The following AK8 variants were observed in gnomAD, a reference collection of about 807,000 sequenced individuals.
AK8 encodes ATP-AMP transphosphorylase 8.
In AK8, 44 loss-of-function variants were observed where a neutral mutation model predicts 54.6. That is an observed-to-expected ratio of 0.81 (90% CI 0.63 to 1.04). The LOEUF is 1.04. AK8 is among the 50% of genes least tolerant of loss of function. AK8 has a pLI of 0.00. For missense variants in AK8, 555 were observed against 613.6 expected (o/e 0.90, Z 1.01); for synonymous variants, 239 against 245.6 (o/e 0.97, Z 0.25).
At chr9:132,778,056 T>C (rs1564396392) in intron 11 of AK8, among the ~76,000 whole-genome samples, 1 of 152,236 alleles carries the variant, frequency 6.6e-6, no homozygotes, top group African/African-American at 2.4e-5. Flanking sequence ...TGTCAGGTCC[T>C]GTTGCAGTCA....
At chr9:132,859,596 C>G (rs775195590) in intron 4 of AK8, among the ~76,000 whole-genome samples, 8 of 151,588 alleles carry the variant, frequency 5.3e-5, no homozygotes, top group Non-Finnish European at 1.2e-4. Flanking sequence ...GGCCTTCCCC[C>G]TCTCCCCCTT....
intron 11 of AK8, among the ~76,000 whole-genome samples, chr9:132,782,992 C>A (rs2131134971): frequency 6.6e-6 from 1 of 152,244 alleles, no homozygotes; most frequent in Middle Eastern, 3.4e-3. Flanking sequence ...AATGCCTGCC[C>A]CCAACTCCAA....
chr9:132,751,370 T>G (rs1590194765), intron 11 of AK8, among the ~76,000 whole-genome samples: 3 of 125,012 alleles, frequency 2.4e-5, no homozygotes, highest in Admixed American at 1.9e-4. Flanking sequence ...GATGACAGAG[T>G]GAGACTCCAA....
At chr9:132,737,636 A>C (rs535978966) in intron 11 of AK8, among the ~76,000 whole-genome samples, 3 of 152,336 alleles carry the variant, frequency 2.0e-5, no homozygotes, top group African/African-American at 7.2e-5. Flanking sequence ...TAATCATCTC[A>C]ACAGATGTGG....
intron 11 of AK8, among the ~76,000 whole-genome samples, chr9:132,783,036 T>C (rs1029274996): frequency 2.0e-5 from 3 of 152,258 alleles, no homozygotes; most frequent in Admixed American, 6.5e-5. Flanking sequence ...ATTCTGTGAA[T>C]AGGTTATCTT....
At chr9:132,737,631 A>T (rs1837182756) in intron 11 of AK8, among the ~76,000 whole-genome samples, 1 of 152,190 alleles carries the variant, frequency 6.6e-6, no homozygotes, top group Non-Finnish European at 1.5e-5. Context: ...GTTTATAATC[A>T]TCTCAACAGA....
At chr9:132,844,429 A>G (rs764020501) in intron 5 of AK8, among the ~76,000 whole-genome samples, 4 of 152,096 alleles carry the variant, frequency 2.6e-5, no homozygotes, top group Non-Finnish European at 5.9e-5. Flanking sequence ...GCTCTAAATT[A>G]CCAATTCTAG....
chr9:132,847,333 C>CT (rs1419822379), intron 5 of AK8, among the ~76,000 whole-genome samples: 3 of 152,224 alleles, frequency 2.0e-5, no homozygotes, highest in Non-Finnish European at 4.4e-5. Context: ...TCCACCGGGC[C>CT]TTTCGTTTGG....
chr9:132,786,482 A>G (rs114658060), intron 11 of AK8, among the ~76,000 whole-genome samples: 1,717 of 152,208 alleles, frequency 0.011, 36 homozygotes, highest in African/African-American at 0.04. Context: ...GGACCCCCAG[A>G]GAGGGGGTCC....
intron 9 of AK8, among the ~76,000 whole-genome samples, chr9:132,821,828 CAT>C (rs1491377434): frequency 2.0e-5 from 2 of 102,548 alleles, no homozygotes; most frequent in Admixed American, 1.1e-4. Context: ...CAAATATATA[CAT>C]ATATGTGTAT....
At chr9:132,877,911 C>G in intron 1 of AK8, 1 of 819,032 alleles carries the variant, frequency 1.2e-6, no homozygotes, top group Non-Finnish European at 2.0e-6. Context: ...GCTGGCGGCA[C>G]AGCCAGGACC....
intron 11 of AK8, among the ~76,000 whole-genome samples, chr9:132,745,179 T>G (rs934049307): frequency 2.0e-5 from 3 of 152,206 alleles, no homozygotes; most frequent in Non-Finnish European, 4.4e-5. Flanking sequence ...GGTGGGGCCT[T>G]ATGAATGTTT....
intron 11 of AK8, among the ~76,000 whole-genome samples, chr9:132,735,289 A>C (rs1305726502): frequency 6.6e-6 from 1 of 152,176 alleles, no homozygotes; most frequent in African/African-American, 2.4e-5. Flanking sequence ...AATGACCTTG[A>C]AGCTCATCCC....
At chr9:132,749,983 A>ACAGCACACTCTTG (rs2131009503) in intron 11 of AK8, among the ~76,000 whole-genome samples, 2 of 148,472 alleles carry the variant, frequency 1.3e-5, no homozygotes, top group Middle Eastern at 3.4e-3. Context: ...GCACACTCCT[A>ACAGCACACTCTTG]GAGATACTGA....
chr9:132,759,245 C>A (rs905925832), intron 11 of AK8, among the ~76,000 whole-genome samples: 2 of 151,042 alleles, frequency 1.3e-5, no homozygotes, highest in Non-Finnish European at 2.9e-5. Flanking sequence ...CAGGTTTTAG[C>A]ACACTCCCAG....
intron 11 of AK8, among the ~76,000 whole-genome samples, chr9:132,777,162 G>A (rs1839257237): frequency 6.6e-6 from 1 of 152,128 alleles, no homozygotes; most frequent in South Asian, 2.1e-4. Flanking sequence ...TCTTGCGACT[G>A]GTATTTTGGT....
chr9:132,746,130 G>A lies in AK8; in HGVS notation c.1122-18596C>T, dbSNP rs377536298. On this transcript the variant is annotated intron_variant, in intron 11 of 12. Transcript: ENST00000298545. ...AGCAGGGTGAGACCATCGGAGCCGC[G>A]CAGCCAACCAGTCAGTCCTCTGAGA... Among the ~76,000 whole-genome samples the A allele has an allele frequency of 4.6e-5, 7 of 152,180 alleles. No homozygotes were observed. In the South Asian group the frequency reaches 6.2e-4, roughly 14 times the overall value.
intron 11 of AK8, among the ~76,000 whole-genome samples, chr9:132,768,329 G>A (rs963849374): frequency 4.0e-5 from 6 of 150,866 alleles, no homozygotes; most frequent in Admixed American, 6.6e-5. Flanking sequence ...GTGCAATGGC[G>A]CCATCTCAGC....
chr9:132,825,870 G>A (rs1841847411), intron 8 of AK8, among the ~76,000 whole-genome samples: 1 of 152,352 alleles, frequency 6.6e-6, no homozygotes, highest in South Asian at 2.1e-4. Context: ...TGTTCCCATC[G>A]TAAACGCTTC....
Sources: gnomAD v4.1 joint callset for allele counts (sites outside exome capture counted in the v4.1 genomes callset) on GRCh38, gnomAD v4.1.1 for gene constraint, MANE v1.5 for transcripts, NCBI Gene and HGNC (gene_info 2026-07-23, HGNC 2026-07-21) for gene names.